The following GFRA1 variants were observed in gnomAD, a reference collection of about 807,000 sequenced individuals.
GFRA1 encodes GDNF family receptor alpha-1.
Under a neutral mutation model 51.6 loss-of-function variants are expected in GFRA1, and 16 were observed. The ratio of observed to expected loss-of-function variants is 0.31; its 90% CI spans 0.21 to 0.47. The LOEUF (loss-of-function observed/expected upper bound fraction) is 0.47, where lower values mean the gene tolerates loss of function less well. Ranked by LOEUF, GFRA1 falls within the 20% of genes least tolerant of loss-of-function variation. The pLI is 1.00. For missense variants in GFRA1, 530 were observed against 594.3 expected, an observed-to-expected ratio of 0.89 and a Z score of 1.13; for synonymous variants, 270 against 241.3, an observed-to-expected ratio of 1.12 and a Z score of -1.10.
intron 6 of GFRA1, among the ~76,000 whole-genome samples, chr10:116,101,259 T>C (rs1257392880): frequency 2.0e-5 from 3 of 152,208 alleles, no homozygotes; most frequent in Non-Finnish European, 2.9e-5. Flanking sequence ...ATGTCCAGTA[T>C]GGGATTAACA....
chr10:116,211,312 G>T (rs1430041266), intron 5 of GFRA1, among the ~76,000 whole-genome samples: 5 of 152,130 alleles, frequency 3.3e-5, no homozygotes, highest in African/African-American at 1.2e-4. Flanking sequence ...CCCCTCCAGA[G>T]TATCAGTCCT....
chr10:116,170,009 C>A (rs1418619195), intron 5 of GFRA1, among the ~76,000 whole-genome samples: 1 of 152,168 alleles, frequency 6.6e-6, no homozygotes, highest in East Asian at 1.9e-4. Context: ...CCAGCTCCTG[C>A]ACCCACTCAC....
At chr10:116,238,419 G>T (rs3781557) in intron 4 of GFRA1, among the ~76,000 whole-genome samples, 15,033 of 152,166 alleles carry the variant, frequency 0.099, 952 homozygotes, top group East Asian at 0.28. Flanking sequence ...CTTCCGAAGG[G>T]CCAGACTTAA....
intron 4 of GFRA1, among the ~76,000 whole-genome samples, chr10:116,246,040 T>C (rs1396585953): frequency 6.6e-6 from 1 of 152,170 alleles, no homozygotes; most frequent in Non-Finnish European, 1.5e-5. Context: ...CATAGAACTG[T>C]TTAACATAAA....
At chr10:116,125,654 G>A (rs1589808494) in intron 5 of GFRA1, 97 bp from the exon 6 acceptor site, 1 of 947,454 alleles carries the variant, frequency 1.1e-6, no homozygotes, top group East Asian at 2.6e-5. Context: ...ATCTGGCATT[G>A]CCAGCGGCTC....
intron 4 of GFRA1, chr10:116,226,794 T>A (rs1426053432): frequency 2.4e-6 from 1 of 415,646 alleles, no homozygotes; most frequent in East Asian, 7.2e-5. Context: ...AACTAGAGGG[T>A]CCTACCTGGG....
At chr10:116,173,544 A>G (rs1961254612) in intron 5 of GFRA1, among the ~76,000 whole-genome samples, 1 of 152,208 alleles carries the variant, frequency 6.6e-6, no homozygotes, top group Admixed American at 6.5e-5. Flanking sequence ...GATGAAGAGT[A>G]TACCTATTGC....
chr10:116,190,848 G>A (rs1490241169), intron 5 of GFRA1, among the ~76,000 whole-genome samples: 2 of 152,192 alleles, frequency 1.3e-5, no homozygotes, highest in African/African-American at 2.4e-5. Context: ...TTAACTGAAT[G>A]CATTAAAGGC....
intron 5 of GFRA1, among the ~76,000 whole-genome samples, chr10:116,159,824 A>G (rs532632187): frequency 1.3e-5 from 2 of 152,292 alleles, no homozygotes; most frequent in East Asian, 1.9e-4. Context: ...CCCACCCACC[A>G]GAGCTGCTCT....
At chr10:116,121,108 A>G (rs1957623633) in intron 6 of GFRA1, among the ~76,000 whole-genome samples, 1 of 152,198 alleles carries the variant, frequency 6.6e-6, no homozygotes, top group Non-Finnish European at 1.5e-5. Flanking sequence ...TTAAAACAGT[A>G]AAGAGAGAGG....
intron 4 of GFRA1, chr10:116,226,675 T>C (rs2134533568): frequency 4.2e-6 from 1 of 236,750 alleles, no homozygotes; most frequent in South Asian, 4.8e-5. Context: ...TTACATTTAT[T>C]GTGCACTTTA....
At chr10:116,071,099 T>C (rs746609514) in intron 9 of GFRA1, among the ~76,000 whole-genome samples, 25 of 152,190 alleles carry the variant, frequency 1.6e-4, no homozygotes, top group Non-Finnish European at 3.1e-4. Context: ...AGCTTAATTT[T>C]GCCAAGCCCC....
intron 5 of GFRA1, among the ~76,000 whole-genome samples, chr10:116,184,415 A>G (rs1195655779): frequency 7.2e-5 from 11 of 152,134 alleles, no homozygotes; most frequent in Admixed American, 7.2e-4. Flanking sequence ...TCAGTGTCCC[A>G]TTCCCAGAGA....
intron 9 of GFRA1, among the ~76,000 whole-genome samples, chr10:116,071,916 C>T (rs958036708): frequency 1.1e-4 from 16 of 151,978 alleles, no homozygotes; most frequent in East Asian, 5.8e-4. Flanking sequence ...GCATAAGCCA[C>T]GCCTATAATT....
chr10:116,267,640 G>A (rs1565692039), intron 4 of GFRA1, among the ~76,000 whole-genome samples: 1 of 152,082 alleles, frequency 6.6e-6, no homozygotes, highest in Non-Finnish European at 1.5e-5. Context: ...GTAGGTAACA[G>A]GCATTGTCCC....
chr10:116,075,150 C>A (rs1955560459), intron 9 of GFRA1, among the ~76,000 whole-genome samples: 1 of 152,110 alleles, frequency 6.6e-6, no homozygotes, highest in Admixed American at 6.5e-5. Context: ...TCCCATAATG[C>A]ACTGAGGAGG....
intron 7 of GFRA1, 68 bp downstream of exon 7, chr10:116,096,587 C>A (rs565220515): frequency 1.2e-5 from 10 of 842,176 alleles, no homozygotes; most frequent in Admixed American, 1.9e-5. Context: ...ATCAGCAAGG[C>A]GCAATGGAAA....
chr10:116,182,156 G>A (rs1294124535), intron 5 of GFRA1, among the ~76,000 whole-genome samples: 1 of 152,096 alleles, frequency 6.6e-6, no homozygotes, highest in Non-Finnish European at 1.5e-5. Flanking sequence ...GCAGAAATGG[G>A]GAGTGCAGGG....
intron 9 of GFRA1, among the ~76,000 whole-genome samples, chr10:116,084,696 C>T (rs1956009026): frequency 6.6e-6 from 1 of 151,592 alleles, no homozygotes; most frequent in South Asian, 2.1e-4. Context: ...CAGAGTTAAG[C>T]AGTGTACAAT....
Sources: allele counts gnomAD v4.1 joint callset (sites outside exome capture counted in the v4.1 genomes callset), GRCh38; gene constraint gnomAD v4.1.1; transcripts MANE v1.5; gene names NCBI Gene and HGNC (gene_info 2026-07-23, HGNC 2026-07-21).